Variants in TTC6 observed in about 807,000 individuals in gnomAD.
TTC6 encodes tetratricopeptide repeat protein 6.
Under a neutral mutation model 210.4 loss-of-function variants are expected in TTC6, and 172 were observed. The ratio of observed to expected loss-of-function variants is 0.82; its 90% CI spans 0.72 to 0.93. TTC6 has a LOEUF of 0.93. Among genes scored for constraint, TTC6 ranks in the 40% least tolerant of loss-of-function variants. The pLI is 0.00. For missense variants in TTC6, 2,414 were observed against 2,318.1 expected (o/e 1.04, Z -0.85); for synonymous variants, 804 against 819.6 (o/e 0.98, Z 0.32).
At chr14:37,779,261 T>C (rs2096047435) in intron 14 of TTC6, among the ~76,000 whole-genome samples, 1 of 152,188 alleles carries the variant, frequency 6.6e-6, no homozygotes, top group Non-Finnish European at 1.5e-5. Flanking sequence ...CTGTTCATTC[T>C]CAATGCATTC....
chr14:37,804,642 A>G, intron 20 of TTC6, 38 bp from the exon 23 acceptor site: 3 of 1,599,718 alleles, frequency 1.9e-6, no homozygotes, highest in Non-Finnish European at 2.6e-6. Flanking sequence ...GTGGAAAGAA[A>G]CATTTCTTGC....
At chr14:37,791,049 G>T (rs1462607141) in intron 16 of TTC6, among the ~76,000 whole-genome samples, 1 of 152,106 alleles carries the variant, frequency 6.6e-6, no homozygotes, top group Non-Finnish European at 1.5e-5. Flanking sequence ...GGGTGTTTTT[G>T]CAAATTTTAG....
chr14:37,796,687 ATAT>A, intron 19 of TTC6, 97 bp from the exon 22 acceptor site: 1 of 1,117,726 alleles, frequency 8.9e-7, no homozygotes, highest in Non-Finnish European at 1.3e-6. Flanking sequence ...TTGTTAATTC[ATAT>A]TATAAAGACA....
At chr14:37,632,350 A>G (rs1459546901) in intron 1 of TTC6, among the ~76,000 whole-genome samples, 1 of 152,092 alleles carries the variant, frequency 6.6e-6, no homozygotes, top group African/African-American at 2.4e-5. Flanking sequence ...CTGTTTGTTA[A>G]TTTACCTTCA....
intron 14 of TTC6, chr14:37,772,663 T>C (rs1048275544): frequency 1.3e-5 from 2 of 154,172 alleles, no homozygotes; most frequent in African/African-American, 4.8e-5. Context: ...CTGCTTCGGC[T>C]CGCTCACGGT....
At chr14:37,693,637 AC>A (rs2095808748) in intron 3 of TTC6, among the ~76,000 whole-genome samples, 1 of 152,112 alleles carries the variant, frequency 6.6e-6, no homozygotes, top group Non-Finnish European at 1.5e-5. Flanking sequence ...CAAACCCCAA[AC>A]AAATAAAAAC....
At chr14:37,811,279 T>C (rs1359549231) in intron 24 of TTC6, among the ~76,000 whole-genome samples, 2 of 152,252 alleles carry the variant, frequency 1.3e-5, no homozygotes, top group African/African-American at 4.8e-5. Flanking sequence ...GCTAATATTC[T>C]AGGTTTGGTT....
chr14:37,669,101 G>A (rs2095753708), intron 1 of TTC6, among the ~76,000 whole-genome samples: 1 of 152,218 alleles, frequency 6.6e-6, no homozygotes, highest in South Asian at 2.1e-4. Flanking sequence ...CTTGCAAAGT[G>A]AGAGAAGAGA....
rs1367420324 is a variant in TTC6, at chr14:37,678,052, T to G, written c.940-2099T>G. 2.0e-5 allele frequency among the ~76,000 whole-genome samples: 3 copies of G among 152,280 alleles called. 1 individual carries two copies. Among genetic ancestry groups the G allele is most frequent in the Admixed American group, 1.3e-4 (2 of 15,270 alleles). On this transcript the variant is annotated intron_variant, in intron 1 of 30. Coordinates refer to ENST00000553443, the Ensembl canonical transcript of TTC6. ...CTGGTTATGTATCATATATTTGTGCTTCTTCATGTGACCAGCAACTTCTGA... is the reference window on the plus strand; with the variant it reads ...CTGGTTATGTATCATATATTTGTGCGTCTTCATGTGACCAGCAACTTCTGA...
chr14:37,627,426 T>C (rs1456123664), intron 1 of TTC6, among the ~76,000 whole-genome samples: 1 of 152,088 alleles, frequency 6.6e-6, no homozygotes, highest in Non-Finnish European at 1.5e-5. Context: ...CTACGTTAGG[T>C]ATTTCTTCTA....
intron 1 of TTC6, among the ~76,000 whole-genome samples, chr14:37,634,410 C>T (rs2095675926): frequency 6.6e-6 from 1 of 151,674 alleles, no homozygotes; most frequent in Non-Finnish European, 1.5e-5. Flanking sequence ...ACTTGGAGAA[C>T]AATACAATAT....
At chr14:37,752,736 G>C (rs1326103647) in intron 13 of TTC6, among the ~76,000 whole-genome samples, 2 of 151,998 alleles carry the variant, frequency 1.3e-5, no homozygotes, top group Non-Finnish European at 2.9e-5. Context: ...AATCAGCCTT[G>C]ATGTAGTCTA....
At chr14:37,632,802 A>C (rs1220469497) in intron 1 of TTC6, among the ~76,000 whole-genome samples, 1 of 152,232 alleles carries the variant, frequency 6.6e-6, no homozygotes, top group Non-Finnish European at 1.5e-5. Flanking sequence ...CCTTTTCTTC[A>C]GAGATGCCCT....
chr14:37,732,906 G>A (rs1159482848), intron 7 of TTC6, among the ~76,000 whole-genome samples: 1 of 152,102 alleles, frequency 6.6e-6, no homozygotes, highest in Non-Finnish European at 1.5e-5. Flanking sequence ...GGCCTGGCCT[G>A]TTGTCTTTAG....
chr14:37,623,730 C>A (rs950269506), intron 1 of TTC6, among the ~76,000 whole-genome samples: 3 of 152,206 alleles, frequency 2.0e-5, no homozygotes, highest in African/African-American at 7.2e-5. Context: ...CCACCCCAGG[C>A]AGTCTCATCC....
chr14:37,800,643 G>T (rs1367385211), intron 20 of TTC6, among the ~76,000 whole-genome samples: 1 of 152,120 alleles, frequency 6.6e-6, no homozygotes, highest in Admixed American at 6.5e-5. Flanking sequence ...CAAACCAGAG[G>T]ATCTCCAGAA....
chr14:37,703,195 T>C (rs939233787), intron 5 of TTC6, among the ~76,000 whole-genome samples: 1 of 152,018 alleles, frequency 6.6e-6, no homozygotes, highest in Non-Finnish European at 1.5e-5. Flanking sequence ...AAGCATCATT[T>C]GGAGGACTTA....
chr14:37,677,535 T>C (rs1226967689), intron 1 of TTC6, among the ~76,000 whole-genome samples: 2 of 152,074 alleles, frequency 1.3e-5, no homozygotes, highest in Non-Finnish European at 2.9e-5. Context: ...ATTCTGACAG[T>C]GAACTTGGGG....
chr14:37,735,079 C>T (rs1038275691), intron 7 of TTC6, among the ~76,000 whole-genome samples: 2 of 152,116 alleles, frequency 1.3e-5, no homozygotes, highest in Admixed American at 6.5e-5. Flanking sequence ...AATTATCTTA[C>T]CATACATTGT....
Sources: gnomAD v4.1 joint callset for allele counts (sites outside exome capture counted in the v4.1 genomes callset) on GRCh38, gnomAD v4.1.1 for gene constraint, MANE v1.5 for transcripts, NCBI Gene and HGNC (gene_info 2026-07-23, HGNC 2026-07-21) for gene names.